Variants in FCHSD2 observed in about 807,000 individuals in gnomAD.
The protein encoded by FCHSD2 is FCH and double SH3 domains 2.
FCHSD2 carries 38 observed loss-of-function variants against 108.1 expected under a neutral mutation model. The ratio of observed to expected loss-of-function variants is 0.35; its 90% CI spans 0.27 to 0.46. FCHSD2 has a LOEUF of 0.46. FCHSD2 is among the 20% of genes least tolerant of loss of function. FCHSD2 has a pLI of 1.00. For synonymous variants in FCHSD2, 279 were observed against 314.7 expected, an observed-to-expected ratio of 0.89 and a Z score of 1.20; for missense variants, 751 against 897.8, an observed-to-expected ratio of 0.84 and a Z score of 2.09.
chr11:73,063,522 G>A (rs1859216428), intron 3 of FCHSD2, among the ~76,000 whole-genome samples: 1 of 152,136 alleles, frequency 6.6e-6, no homozygotes. Context: ...AGACCCATCA[G>A]TGTGCTGTAT....
chr11:72,871,322 T>C (rs1854852551), intron 12 of FCHSD2, among the ~76,000 whole-genome samples: 1 of 152,202 alleles, frequency 6.6e-6, no homozygotes, highest in African/African-American at 2.4e-5. Flanking sequence ...ACATTCAAGC[T>C]TCTCAAAACC....
intron 9 of FCHSD2, among the ~76,000 whole-genome samples, chr11:72,918,314 C>T (rs1171785968): frequency 6.6e-6 from 1 of 152,028 alleles, no homozygotes; most frequent in African/African-American, 2.4e-5. Context: ...TAAATATAAT[C>T]ATGTCATCTG....
chr11:73,000,217 C>T (rs1251183535), intron 5 of FCHSD2, among the ~76,000 whole-genome samples: 1 of 152,084 alleles, frequency 6.6e-6, no homozygotes, highest in East Asian at 1.9e-4. Context: ...CACTGGATGG[C>T]TTCTAAAATA....
Position 72,985,105 on chromosome 11 carries a change from C to G in FCHSD2, c.533G>C (p.Ser178Thr), listed in dbSNP as rs1395497646. ...TAAACTGATTCTTGATTGAAAAAGA[C>G]TAAGTTTAGATCTATAATAAAAATA... ...KADIEAKSKL[S>T]LFQSRISLQK... The change falls in exon 7 of 20, where the codon AGT (serine) becomes ACT (threonine). Residue 178 changes from serine to threonine, a missense_variant. By Grantham distance (58) the Ser-to-Thr change is moderately conservative. Transcript: ENST00000409418. The G allele has an allele frequency of 2.5e-6, 3 of 1,188,872 alleles. No homozygotes were observed. Among genetic ancestry groups the G allele is most frequent in the Non-Finnish European group, 3.6e-6 (3 of 822,182 alleles). The allele number at this position is 1,188,872 out of a possible 1,614,324, so 73.6% of individuals were successfully genotyped here.
At chr11:73,090,080 T>C (rs1391213865) in intron 2 of FCHSD2, among the ~76,000 whole-genome samples, 1 of 152,120 alleles carries the variant, frequency 6.6e-6, no homozygotes, top group South Asian at 2.1e-4. Flanking sequence ...GGAAAAAAGA[T>C]GAATTATCAG....
chr11:73,007,720 G>A (rs1857771533), intron 4 of FCHSD2, among the ~76,000 whole-genome samples: 1 of 152,202 alleles, frequency 6.6e-6, no homozygotes, highest in Non-Finnish European at 1.5e-5. Flanking sequence ...AGCTACAAAT[G>A]TGGTAAAACT....
chr11:72,948,074 C>T (rs111437116), intron 8 of FCHSD2, among the ~76,000 whole-genome samples: 3 of 152,180 alleles, frequency 2.0e-5, no homozygotes, highest in African/African-American at 7.2e-5. Context: ...GTGGTGCGAT[C>T]TCGGCTCACT....
intron 8 of FCHSD2, among the ~76,000 whole-genome samples, chr11:72,963,690 T>C (rs556998443): frequency 3.7e-4 from 57 of 152,322 alleles, no homozygotes; most frequent in Admixed American, 6.5e-4. Context: ...TAGATTCTCA[T>C]AGGGAGTGTG....
chr11:73,035,160 A>T (rs1858458093), intron 3 of FCHSD2, among the ~76,000 whole-genome samples: 1 of 113,682 alleles, frequency 8.8e-6, no homozygotes, highest in Admixed American at 8.8e-5. Context: ...TTATGTATGT[A>T]TGTATGTATG....
intron 3 of FCHSD2, among the ~76,000 whole-genome samples, chr11:73,024,395 T>C (rs1858179991): frequency 6.6e-6 from 1 of 152,174 alleles, no homozygotes; most frequent in Non-Finnish European, 1.5e-5. Flanking sequence ...ATATAAACAT[T>C]GTACACTAGT....
chr11:72,882,033 TAGTTGGGAGGCTG>T (rs1223356572), intron 12 of FCHSD2, among the ~76,000 whole-genome samples: 1 of 151,732 alleles, frequency 6.6e-6, no homozygotes, highest in Non-Finnish European at 1.5e-5. Context: ...TAGTCCCGGC[TAGTTGGGAGGCTG>T]AGGCGGGAGA....
chr11:72,942,513 G>A (rs927708550), intron 8 of FCHSD2, among the ~76,000 whole-genome samples: 2 of 152,176 alleles, frequency 1.3e-5, no homozygotes, highest in Admixed American at 1.3e-4. Flanking sequence ...ACATGTATAT[G>A]TAATACATGC....
At chr11:73,027,112 C>T (rs1006459986) in intron 3 of FCHSD2, among the ~76,000 whole-genome samples, 1 of 151,980 alleles carries the variant, frequency 6.6e-6, no homozygotes, top group African/African-American at 2.4e-5. Context: ...AACTGGGTAG[C>T]AGGCAGAGGT....
chr11:72,869,585 A>AGG (rs1854807389), intron 12 of FCHSD2: 1 of 151,592 alleles, frequency 6.6e-6, no homozygotes, highest in Admixed American at 6.6e-5. Flanking sequence ...TCATCCTTGC[A>AGG]TAGGGGCCAT....
At chr11:73,048,921 A>C (rs1274717434) in intron 3 of FCHSD2, among the ~76,000 whole-genome samples, 1 of 152,238 alleles carries the variant, frequency 6.6e-6, no homozygotes, top group Non-Finnish European at 1.5e-5. Flanking sequence ...ATGTTGATCG[A>C]GTAACTCATT....
rs560176571 is a variant in FCHSD2 at position 72,909,233 on chromosome 11, C to T, written c.829-6595G>A. 1.1e-4 allele frequency among the ~76,000 whole-genome samples: 17 copies of T among 152,210 alleles called. No homozygotes were observed. The East Asian group carries it at 1.4e-3, about 12-fold the overall frequency. ...TGTATTTTTGGTGGAGACGGGGTTT[C>T]GCCCTGTTGACCGGGCTGGTCTCCA... is the stretch of plus-strand genomic sequence containing the variant. On this transcript the variant is annotated intron_variant, in intron 9 of 19. Transcript: ENST00000409418.
chr11:72,878,712 T>C (rs1346129392), intron 12 of FCHSD2, among the ~76,000 whole-genome samples: 1 of 152,176 alleles, frequency 6.6e-6, no homozygotes, highest in Non-Finnish European at 1.5e-5. Context: ...GTTGAAATGA[T>C]GTCAGGTGGA....
chr11:72,973,531 A>T (rs1411775024), intron 8 of FCHSD2, among the ~76,000 whole-genome samples: 3 of 152,254 alleles, frequency 2.0e-5, no homozygotes, highest in Non-Finnish European at 4.4e-5. Context: ...AAGTTGCATA[A>T]TATCACAGGG....
rs1021114720 is a variant in FCHSD2, at chr11:72,968,953, T to C, written c.705+15135A>G. On this transcript the variant is annotated intron_variant, in intron 8 of 19. Coordinates refer to ENST00000409418, the MANE Select transcript of FCHSD2 (RefSeq NM_014824.3). Reference sequence around the variant, plus strand: ...TTCCTTCAAAACTGATAGGTAATAATATTAAGGCTTTGTCCAGTGATTCAT... The same window carrying C: ...TTCCTTCAAAACTGATAGGTAATAACATTAAGGCTTTGTCCAGTGATTCAT... 2.0e-5 allele frequency among the ~76,000 whole-genome samples: 3 copies of C among 152,198 alleles called. No homozygotes were observed. In the East Asian group the frequency reaches 5.8e-4, roughly 29 times the overall value.
Sources: gnomAD v4.1 joint callset for allele counts (sites outside exome capture counted in the v4.1 genomes callset) on GRCh38, gnomAD v4.1.1 for gene constraint, MANE v1.5 for transcripts, NCBI Gene and HGNC (gene_info 2026-07-23, HGNC 2026-07-21) for gene names.